The following SETD4 variants were observed in gnomAD, a reference collection of about 807,000 sequenced individuals.
SETD4 encodes SET domain containing 4.
SETD4 carries 46 observed loss-of-function variants against 58.3 expected under a neutral mutation model. That is an observed-to-expected ratio of 0.79 (90% confidence interval 0.62 to 1.01). SETD4 has a LOEUF of 1.01. Ranked by LOEUF, SETD4 falls within the 50% of genes least tolerant of loss-of-function variation. SETD4 has a pLI of 0.00. For synonymous variants in SETD4, 190 were observed against 202.6 expected (o/e 0.94, Z 0.53); for missense variants, 490 against 523.3 (o/e 0.94, Z 0.62).
chr21:36,040,566 G>A lies in SETD4; in HGVS notation c.1064+9C>T. ...GCTACAGCTTAAGACCAACACATGT[G>A]AAACTTACAATTTCTCAGCTTCCAG... On this transcript the variant is annotated intron_variant, in intron 9 of 11. Coordinates refer to ENST00000332131, the MANE Select transcript of SETD4 (RefSeq NM_017438.5). 1 of 1,612,256 alleles carries A rather than the reference G, an allele frequency of 6.2e-7. No homozygotes were observed.
chr21:36,050,480 C>T lies in SETD4; in HGVS notation c.208-2084G>A, dbSNP rs572456175. 5.0e-6 allele frequency: 8 copies of T among 1,613,096 alleles called. No homozygotes were observed. The African/African-American group carries it at 9.3e-5, about 19-fold the overall frequency. On this transcript the variant is annotated intron_variant, in intron 4 of 11. Transcript: ENST00000332131. Reference sequence around the variant, plus strand: ...CCCCTTGGGTGCAAAGTGATAGTGACATCACTGTTTTGCGCCATCTAGAGA... The same window carrying T: ...CCCCTTGGGTGCAAAGTGATAGTGATATCACTGTTTTGCGCCATCTAGAGA...
chr21:36,053,669 G>A lies in SETD4; in HGVS notation c.170-49C>T, dbSNP rs374443603. ...GAGTAAATCCTACCATAACTTCAAG[G>A]TCCCAGAGATAACTATTATGGAAAA... On this transcript the variant is annotated intron_variant, in intron 3 of 11. Coordinates refer to ENST00000332131, the MANE Select transcript of SETD4 (RefSeq NM_017438.5). The A allele has an allele frequency of 3.7e-5, 58 of 1,576,400 alleles. 1 individual carries two copies. The African/African-American group carries it at 5.0e-4, about 14-fold the overall frequency.
Position 36,045,827 on chromosome 21 carries a change from C to T in SETD4, c.481G>A (p.Glu161Lys), listed in dbSNP as rs1232058433. ...LPKSLKAKAE[E>K]QRAHVQEFFA... Reference sequence around the variant, plus strand: ...AACTCCTGCACGTGGGCTCTCTGCTCTTCAGCCTTTGCTTTTAAAGATTTG... The same window carrying T: ...AACTCCTGCACGTGGGCTCTCTGCTTTTCAGCCTTTGCTTTTAAAGATTTG... Residue 161 changes from glutamate (E) to lysine (K), a missense_variant, in exon 6 of 12, where the codon GAG (glutamate) becomes AAG (lysine). Physicochemically the swap from Glu to Lys is moderately conservative, Grantham distance 56. Transcript: ENST00000332131. The T allele has an allele frequency of 6.2e-7, 1 of 1,614,226 alleles. No individual in the cohort carries two copies.
At chr21:36,058,671 T>C in intron 2 of SETD4, 145 bp downstream of exon 2, 1 of 886,104 alleles carries the variant, frequency 1.1e-6, no homozygotes, top group South Asian at 2.0e-5. Context: ...TGAGCCAAGA[T>C]GACACCACTG....
At chr21:36,056,933 C>G in intron 3 of SETD4, among the ~76,000 whole-genome samples, 176 bp downstream of exon 3, 1 of 152,206 alleles carries the variant, frequency 6.6e-6, no homozygotes, top group East Asian at 1.9e-4. Flanking sequence ...AGTGCTGAAG[C>G]CCACTGCTCT....
chr21:36,050,525 G>T, intron 4 of SETD4: 1 of 1,613,996 alleles, frequency 6.2e-7, no homozygotes, highest in African/African-American at 1.3e-5. Flanking sequence ...GCCAGTTAAT[G>T]AACCGACTTC....
chr21:36,050,490 T>G (rs2064610842), intron 4 of SETD4: 2 of 1,613,866 alleles, frequency 1.2e-6, no homozygotes, highest in Non-Finnish European at 8.5e-7. Context: ...CATCACTGTT[T>G]TGCGCCATCT....
chr21:36,048,848 G>A (rs994361102), intron 4 of SETD4, among the ~76,000 whole-genome samples: 3 of 151,628 alleles, frequency 2.0e-5, no homozygotes, highest in African/African-American at 7.3e-5. Flanking sequence ...CTCCCAAGCA[G>A]CTGGGATTAC....
At chr21:36,040,960 A>T (rs1362170168) in intron 8 of SETD4, among the ~76,000 whole-genome samples, 1 of 152,006 alleles carries the variant, frequency 6.6e-6, no homozygotes, top group Admixed American at 6.6e-5. Context: ...GGAGATCGAG[A>T]CCATCCTGGC....
At chr21:36,045,333 G>C (rs79070346) in intron 6 of SETD4, among the ~76,000 whole-genome samples, 76 of 152,332 alleles carry the variant, frequency 5.0e-4, no homozygotes, top group African/African-American at 1.7e-3. Context: ...ACCGGACAGA[G>C]GATGCAGCAC....
At chr21:36,051,034 T>C in intron 4 of SETD4, 10 of 1,505,680 alleles carry the variant, frequency 6.6e-6, no homozygotes, top group Middle Eastern at 3.4e-4. Flanking sequence ...GGCAGCTCCT[T>C]CTGTGTCTGT....
intron 3 of SETD4, among the ~76,000 whole-genome samples, chr21:36,056,616 G>A (rs964671301): frequency 6.6e-6 from 1 of 152,122 alleles, no homozygotes; most frequent in Non-Finnish European, 1.5e-5. Flanking sequence ...TGGAGTGCAG[G>A]GGCATGATCA....
At position 36,041,857 on chromosome 21, in the gene SETD4, A is replaced by C; in HGVS notation, c.933T>G (p.Asp311Glu). ...EILVKYLPSTDKQMDKKISIL... is the reference protein window; with the variant it reads ...EILVKYLPSTEKQMDKKISIL... ...TAGAAATCTTTTTGTCCATCTGTTT[A>C]TCTGTTGATGGAAGATATTTAACAA... Residue 311 changes from aspartate to glutamate, a missense_variant, in exon 8 of 12, where the codon GAT becomes GAG. Physicochemically the swap from Asp to Glu is conservative, Grantham distance 45 (BLOSUM62 2). Coordinates refer to ENST00000332131, the MANE Select transcript of SETD4 (RefSeq NM_017438.5). The C allele has an allele frequency of 1.4e-6, 2 of 1,479,516 alleles. No homozygotes were observed. The highest frequency in any genetic ancestry group is 1.8e-6 in the Non-Finnish European group (2 of 1,086,012). 91.6% of individuals were successfully genotyped at this position (1,479,516 alleles called of 1,614,324 possible).
intron 2 of SETD4, among the ~76,000 whole-genome samples, chr21:36,057,865 T>G (rs2065065149): frequency 6.6e-6 from 1 of 152,206 alleles, no homozygotes. Flanking sequence ...CAATAAATGA[T>G]GATCAAACAA....
At chr21:36,057,020 T>C (rs941820203) in intron 3 of SETD4, 89 bp downstream of exon 3, 3 of 1,003,750 alleles carry the variant, frequency 3.0e-6, no homozygotes, top group East Asian at 4.8e-5. Context: ...AAGGACAATA[T>C]CTGCTGAGGC....
rs566182961 is a variant in SETD4 at position 36,037,554 on chromosome 21, G to A, written c.1188+596C>T. Among the ~76,000 whole-genome samples the A allele has an allele frequency of 1.4e-3, 195 of 137,586 alleles. 2 individuals are homozygous for A. Among genetic ancestry groups the A allele is most frequent in the Non-Finnish European group, 2.4e-3 (155 of 64,920 alleles). The allele number at this position is 137,586 out of a possible 152,430, so 90.3% of individuals were successfully genotyped here. ...CAGGAGGCGGAGGTTGCAGTAAGCCGAGATCGTGCCATTGCACTCCAGCCT... is the reference window on the plus strand; with the variant it reads ...CAGGAGGCGGAGGTTGCAGTAAGCCAAGATCGTGCCATTGCACTCCAGCCT... On this transcript the variant is annotated intron_variant, in intron 10 of 11. Transcript: ENST00000332131.
At chr21:36,046,090 CAGA>C (rs753894241) in intron 5 of SETD4, 79 bp from the exon 6 acceptor site, 46 of 1,467,482 alleles carry the variant, frequency 3.1e-5, no homozygotes, top group Non-Finnish European at 4.0e-5. Context: ...GTTTTGCTGC[CAGA>C]AGGAGTGTGT....
intron 3 of SETD4, among the ~76,000 whole-genome samples, chr21:36,055,395 T>C (rs1456236880): frequency 6.6e-6 from 1 of 152,224 alleles, no homozygotes; most frequent in Non-Finnish European, 1.5e-5. Flanking sequence ...TTATCACAAA[T>C]GTCTCAAAGC....
chr21:36,045,724 C>CTGTA lies in SETD4; in HGVS notation c.580_583dup (p.Ser195IlefsTer45). 1 of 1,614,198 alleles carries CTGTA rather than the reference C, an allele frequency of 6.2e-7. No homozygotes were observed. The highest frequency in any genetic ancestry group is 8.5e-7 in the Non-Finnish European group (1 of 1,180,032). ...GGTGCACCAAGCCCACAGCAGGGCA[C>CTGTA]TGTAGCTGAAGATGCTGTCAACAGC... is the stretch of plus-strand genomic sequence containing the variant. On this transcript the variant is annotated frameshift_variant, in exon 6 of 12. Coordinates refer to ENST00000332131, the MANE Select transcript of SETD4 (RefSeq NM_017438.5). LOFTEE classifies it high-confidence loss of function.
Sources: allele counts gnomAD v4.1 joint callset (sites outside exome capture counted in the v4.1 genomes callset), GRCh38; gene constraint gnomAD v4.1.1; transcripts MANE v1.5; gene names NCBI Gene and HGNC (gene_info 2026-07-23, HGNC 2026-07-21).